Variants in ZNF124 observed in about 807,000 individuals in gnomAD.
ZNF124 encodes the protein zinc finger protein 124.
A neutral mutation model predicts 26.6 loss-of-function variants in ZNF124; 25 were observed. The ratio of observed to expected loss-of-function variants is 0.94; its 90% CI spans 0.68 to 1.31. ZNF124 has a LOEUF of 1.31. Ranked by LOEUF, ZNF124 falls within the 40% of genes most tolerant of loss-of-function variation. The probability of loss-of-function intolerance (pLI) is 0.00; values close to 1 mark genes in which losing one functional copy is unlikely to be tolerated. For missense variants in ZNF124, 444 were observed against 422.2 expected, an observed-to-expected ratio of 1.05 and a Z score of -0.45; for synonymous variants, 129 against 133.3, an observed-to-expected ratio of 0.97 and a Z score of 0.22.
chr1:247,164,127 C>T (rs1673648524), intron 1 of ZNF124, among the ~76,000 whole-genome samples: 1 of 152,114 alleles, frequency 6.6e-6, no homozygotes, highest in Admixed American at 6.5e-5. Context: ...ACAAACTAGG[C>T]ATCGGAGAAA....
At chr1:247,153,199 T>C (rs966493046), downstream of ZNF124, among the ~76,000 whole-genome samples, 2 of 151,648 alleles carry the variant, frequency 1.3e-5, no homozygotes, top group Admixed American at 6.6e-5. Context: ...CCCTTAGAAA[T>C]GTTACTTGAT....
Position 247,156,418 on chromosome 1 carries a change from A to G in ZNF124, c.*148T>C. The G allele has an allele frequency of 2.3e-6, 3 of 1,306,226 alleles. No individual in the cohort carries two copies. Among genetic ancestry groups the G allele is most frequent in the Non-Finnish European group, 2.9e-6 (3 of 1,028,022 alleles). 80.9% of individuals were successfully genotyped at this position (1,306,226 alleles called of 1,614,324 possible). ...TTGAATGCTTTACCTTATTGCTTAT[A>G]GTCATAGGGTTTATCTCCAGTTTGA... On this transcript the variant is annotated 3_prime_UTR_variant, in exon 4 of 4. Coordinates refer to ENST00000543802, the MANE Select transcript of ZNF124 (RefSeq NM_001297568.2).
In ZNF124 at chr1:247,162,743, C is replaced by G. The variant is rs539526782; in HGVS notation, c.31-2930G>C. ...GGTTCAATCCAACAAGCAGACCTAA[C>G]TATCCTAAATACGTATGCACCCAAC... On this transcript the variant is annotated intron_variant, in intron 1 of 3. Transcript: ENST00000543802. 2.6e-5 allele frequency among the ~76,000 whole-genome samples: 4 copies of G among 152,044 alleles called. No individual in the cohort carries two copies. In the South Asian group the frequency reaches 8.3e-4, roughly 32 times the overall value.
At chr1:247,136,866 G>C (rs11801624) in intron 3 of ZNF124, among the ~76,000 whole-genome samples, 7,742 of 151,562 alleles carry the variant, frequency 0.051, 241 homozygotes, top group African/African-American at 0.079. Flanking sequence ...AGAATCACTT[G>C]ATCCCAGGAG....
intron 3 of ZNF124, among the ~76,000 whole-genome samples, chr1:247,137,369 T>C (rs1357172241): frequency 6.9e-6 from 1 of 145,282 alleles, no homozygotes; most frequent in Non-Finnish European, 1.5e-5. Flanking sequence ...GGAGGCCAGG[T>C]GCAGTGGCTC....
chr1:247,145,227 A>G (rs1672731676), intron 3 of ZNF124, among the ~76,000 whole-genome samples: 1 of 152,208 alleles, frequency 6.6e-6, no homozygotes, highest in South Asian at 2.1e-4. Context: ...AAATTGTAAC[A>G]TATGGATCAG....
chr1:247,159,124 A>C, intron 2 of ZNF124, 58 bp from the exon 3 acceptor site: 1 of 1,513,918 alleles, frequency 6.6e-7, no homozygotes, highest in South Asian at 1.2e-5. Flanking sequence ...AAAAATTACT[A>C]GACTCTAGGT....
At chr1:247,160,296 G>A (rs1673410556) in intron 1 of ZNF124, among the ~76,000 whole-genome samples, 1 of 152,148 alleles carries the variant, frequency 6.6e-6, no homozygotes, top group South Asian at 2.1e-4. Context: ...CAGTTCTTAT[G>A]CTAAAGTTGA....
intron 3 of ZNF124, among the ~76,000 whole-genome samples, chr1:247,124,899 G>C (rs1672170391): frequency 6.6e-6 from 1 of 152,108 alleles, no homozygotes; most frequent in Admixed American, 6.5e-5. Flanking sequence ...CCCAGGCTCA[G>C]GTGATCCTCC....
At chr1:247,136,604 A>G (rs1672489092) in intron 3 of ZNF124, among the ~76,000 whole-genome samples, 1 of 152,220 alleles carries the variant, frequency 6.6e-6, no homozygotes. Context: ...TATTCCCATC[A>G]AACTACCATT....
downstream of ZNF124, among the ~76,000 whole-genome samples, chr1:247,150,131 G>A (rs150943819): frequency 2.0e-3 from 305 of 152,226 alleles, no homozygotes; most frequent in African/African-American, 7.1e-3. Flanking sequence ...TTAGGCGGAG[G>A]ACAAACTTTT....
At chr1:247,125,054 A>G (rs1035779513) in intron 3 of ZNF124, among the ~76,000 whole-genome samples, 1 of 151,078 alleles carries the variant, frequency 6.6e-6, no homozygotes, top group African/African-American at 2.4e-5. Context: ...CCACCTGCCT[A>G]CGCCTCCCAA....
At chr1:247,142,945 T>C (rs1672665628) in intron 3 of ZNF124, among the ~76,000 whole-genome samples, 1 of 150,318 alleles carries the variant, frequency 6.7e-6, no homozygotes, top group Non-Finnish European at 1.5e-5. Flanking sequence ...GAAAATTATT[T>C]TGGTGTTTGT....
chr1:247,170,665 CT>C (rs1674059106), intron 1 of ZNF124, among the ~76,000 whole-genome samples: 1 of 143,636 alleles, frequency 7.0e-6, no homozygotes. Flanking sequence ...ATTCCTGTCC[CT>C]TTTAAGGGCT....
At chr1:247,154,956 A>G, downstream of ZNF124, among the ~76,000 whole-genome samples, 1 of 152,224 alleles carries the variant, frequency 6.6e-6, no homozygotes. Flanking sequence ...TGACAATGAA[A>G]TATTCAATAA....
Position 247,168,669 on chromosome 1 carries a change from C to T in ZNF124, c.30+3179G>A, listed in dbSNP as rs1047503391. On this transcript the variant is annotated intron_variant, in intron 1 of 3. Coordinates refer to ENST00000543802, the MANE Select transcript of ZNF124 (RefSeq NM_001297568.2). The surrounding 1 kb of genome is among the most constrained non-coding windows in gnomAD (Gnocchi z 4.0). ...ATAAAGAAAATGTGGTGGAATACTA[C>T]TCAGCCATAAAAAGGAATGAAATAA... Among the ~76,000 whole-genome samples the T allele has an allele frequency of 2.6e-5, 4 of 152,180 alleles. No homozygotes were observed. Among genetic ancestry groups the T allele is most frequent in the African/African-American group, 9.7e-5 (4 of 41,430 alleles).
chr1:247,132,820 C>G (rs939905283), intron 3 of ZNF124, among the ~76,000 whole-genome samples: 4 of 152,066 alleles, frequency 2.6e-5, no homozygotes, highest in Non-Finnish European at 4.4e-5. Context: ...TCACATACCC[C>G]CTGCTTGCTC....
intron 3 of ZNF124, among the ~76,000 whole-genome samples, chr1:247,147,298 C>T (rs1205111850): frequency 1.3e-5 from 2 of 150,922 alleles, no homozygotes; most frequent in African/African-American, 4.9e-5. Context: ...ACGATCTCAG[C>T]CCACTGCAAC....
rs200120209 is a variant in ZNF124, at chr1:247,159,024, T to A, written c.200A>T (p.Asn67Ile). ...EDQSIEDQYK[N>I]SSRNLRHIIS... ...AAATTACCTTAGATTTCTTGAAGAA[T>A]TTTTGTACTGATCTTCAATGCTCTG... Residue 67 changes from asparagine (N) to isoleucine (I), a missense_variant, in exon 3 of 4, where the codon AAT becomes ATT. Asn to Ile is a moderately radical substitution (Grantham distance 149). Coordinates refer to ENST00000543802, the MANE Select transcript of ZNF124 (RefSeq NM_001297568.2). 8 of 1,613,610 alleles carry A rather than the reference T, an allele frequency of 5.0e-6. No individual in the cohort carries two copies. The highest frequency in any genetic ancestry group is 5.9e-6 in the Non-Finnish European group (7 of 1,179,816).
Sources: gnomAD v4.1 joint callset for allele counts (sites outside exome capture counted in the v4.1 genomes callset) on GRCh38, gnomAD v4.1.1 for gene constraint, Gnocchi (gnomAD v3.1) non-coding constraint, MANE v1.5 for transcripts, NCBI Gene and HGNC (gene_info 2026-07-23, HGNC 2026-07-21) for gene names.